Variants in ZZZ3 observed in about 807,000 individuals in gnomAD.
ZZZ3 encodes ZZ-type zinc finger-containing protein 3.
In ZZZ3, 22 loss-of-function variants were observed where a neutral mutation model predicts 95.2. The ratio of observed to expected loss-of-function variants is 0.23; its 90% CI spans 0.17 to 0.33. The LOEUF is 0.33. ZZZ3 is among the 10% of genes least tolerant of loss of function. The pLI is 1.00. For synonymous variants in ZZZ3, 335 were observed against 358.9 expected (o/e 0.93, Z 0.75); for missense variants, 885 against 1,066.5 (o/e 0.83, Z 2.37).
At chr1:77,631,717 G>A (rs1271080410) in intron 5 of ZZZ3, 133 bp downstream of exon 5, 2 of 694,560 alleles carry the variant, frequency 2.9e-6, no homozygotes, top group African/African-American at 3.6e-5. Context: ...TAAGAGTTGA[G>A]AAAATCATAT....
chr1:77,629,208 G>A (rs569189648), intron 5 of ZZZ3, among the ~76,000 whole-genome samples: 2 of 152,208 alleles, frequency 1.3e-5, no homozygotes, highest in Non-Finnish European at 2.9e-5. Flanking sequence ...GATCTGACAT[G>A]ATCAAACACC....
At chr1:77,671,599 T>C (rs1235916355) in intron 1 of ZZZ3, among the ~76,000 whole-genome samples, 1 of 152,180 alleles carries the variant, frequency 6.6e-6, no homozygotes, top group Non-Finnish European at 1.5e-5. Flanking sequence ...TGCTTTGATT[T>C]GCTTATTTAT....
intron 5 of ZZZ3, among the ~76,000 whole-genome samples, chr1:77,628,599 G>C (rs1667522378): frequency 6.6e-6 from 1 of 152,142 alleles, no homozygotes; most frequent in African/African-American, 2.4e-5. Context: ...ATTTACAAGT[G>C]ATCGGATGAC....
At position 77,611,715 on chromosome 1, in the gene ZZZ3, C is replaced by T. The variant is rs546512336; in HGVS notation, c.1505+20135G>A. 1.9e-4 allele frequency among the ~76,000 whole-genome samples: 29 copies of T among 151,866 alleles called. No individual in the cohort carries two copies. The South Asian group carries it at 4.4e-3, about 23-fold the overall frequency. Reference sequence around the variant, plus strand: ...GTCAATTGGTCTTTGACAAAGGTGGCGAAAACACACAATAAGGGACAGTCA... The same window carrying T: ...GTCAATTGGTCTTTGACAAAGGTGGTGAAAACACACAATAAGGGACAGTCA... On this transcript the variant is annotated intron_variant, in intron 5 of 14. Coordinates refer to ENST00000370801, the MANE Select transcript of ZZZ3 (RefSeq NM_015534.6).
At chr1:77,565,868 CCT>C (rs1297460871) in intron 14 of ZZZ3, 84 bp from the exon 15 acceptor site, 1 of 1,355,924 alleles carries the variant, frequency 7.4e-7, no homozygotes, top group African/African-American at 1.5e-5. Context: ...CACAGCTCTC[CCT>C]GTTTAAATCC....
At chr1:77,625,011 A>C (rs1444860890) in intron 5 of ZZZ3, among the ~76,000 whole-genome samples, 1 of 152,204 alleles carries the variant, frequency 6.6e-6, no homozygotes, top group Admixed American at 6.5e-5. Context: ...AAAACAGTTG[A>C]GGTTTCCTAT....
intron 5 of ZZZ3, among the ~76,000 whole-genome samples, chr1:77,623,449 A>G (rs1202046443): frequency 1.3e-5 from 2 of 152,220 alleles, no homozygotes; most frequent in Admixed American, 6.5e-5. Context: ...CAGTGTCCTC[A>G]TAAGGCTAGA....
At position 77,565,502 on chromosome 1, in the gene ZZZ3, C is replaced by T. The variant is rs1570376399; in HGVS notation, c.*138G>A. On this transcript the variant is annotated 3_prime_UTR_variant, in exon 15 of 15. Transcript: ENST00000370801. The stretch of plus-strand genomic sequence containing the variant: ...CACAACGGTGCAGAGCTGTACTTGA[C>T]GAGAACACTCAGGAAGCTCTCATGC... The T allele has an allele frequency of 9.3e-6, 8 of 863,238 alleles. No individual in the cohort carries two copies. The highest frequency in any genetic ancestry group is 7.9e-5 in the East Asian group (3 of 37,798). 53.5% of individuals were successfully genotyped at this position (863,238 alleles called of 1,614,324 possible). A position where few individuals can be genotyped will look rare whatever the true frequency, so the allele number is the denominator to read the frequency against.
chr1:77,593,051 G>A (rs979069537), intron 5 of ZZZ3, among the ~76,000 whole-genome samples: 1 of 152,194 alleles, frequency 6.6e-6, no homozygotes, highest in Non-Finnish European at 1.5e-5. Flanking sequence ...GCTTAAAACA[G>A]TAGAAGATCA....
intron 5 of ZZZ3, among the ~76,000 whole-genome samples, chr1:77,599,260 CTTATA>C (rs1425519726): frequency 6.6e-6 from 1 of 151,896 alleles, no homozygotes. Context: ...TATTTGCTAC[CTTATA>C]TTATTCATTA....
rs74090670 is a variant in ZZZ3 at position 77,592,065 on chromosome 1, A to G, written c.1506-7410T>C. On this transcript the variant is annotated intron_variant, in intron 5 of 14. Transcript: ENST00000370801. ...CTATCCCTCACTCCAGCCCCCAAGG[A>G]GAGTTGCCTTGGGACTGAGGAAAGA... Among the ~76,000 whole-genome samples, 525 of 152,136 alleles carry G rather than the reference A, an allele frequency of 3.5e-3. 3 individuals are homozygous for G. Among genetic ancestry groups the G allele is most frequent in the African/African-American group, 0.012 (500 of 41,486 alleles).
chr1:77,644,503 C>T (rs1005092232), intron 1 of ZZZ3, among the ~76,000 whole-genome samples: 1 of 152,140 alleles, frequency 6.6e-6, no homozygotes, highest in Non-Finnish European at 1.5e-5. Context: ...TGGATGCCTT[C>T]TATAGATTTT....
chr1:77,634,526 A>C (rs1005076192), intron 4 of ZZZ3, among the ~76,000 whole-genome samples: 1 of 152,186 alleles, frequency 6.6e-6, no homozygotes, highest in African/African-American at 2.4e-5. Context: ...GAGTGTTCCA[A>C]AGACCAGAAA....
At chr1:77,628,543 A>G (rs1170112553) in intron 5 of ZZZ3, among the ~76,000 whole-genome samples, 2 of 152,188 alleles carry the variant, frequency 1.3e-5, no homozygotes, top group Non-Finnish European at 2.9e-5. Flanking sequence ...CTAATTTACT[A>G]TAAATCACAT....
At chr1:77,675,641 GTTAC>G (rs1672192416) in intron 1 of ZZZ3, among the ~76,000 whole-genome samples, 1 of 150,992 alleles carries the variant, frequency 6.6e-6, no homozygotes, top group Non-Finnish European at 1.5e-5. Flanking sequence ...CACACTCAAA[GTTAC>G]TTAAATCTGG....
intron 5 of ZZZ3, among the ~76,000 whole-genome samples, chr1:77,607,876 T>C (rs913391913): frequency 3.0e-4 from 43 of 143,354 alleles, no homozygotes; most frequent in Admixed American, 4.4e-4. Context: ...GTTGAGATCA[T>C]GCCACTGCAC....
intron 5 of ZZZ3, among the ~76,000 whole-genome samples, chr1:77,619,971 G>A (rs922077352): frequency 2.0e-5 from 3 of 151,700 alleles, no homozygotes; most frequent in African/African-American, 7.3e-5. Flanking sequence ...TTTCACCACC[G>A]ATACATCAAC....
chr1:77,607,235 G>C (rs959537984), intron 5 of ZZZ3, among the ~76,000 whole-genome samples: 8 of 152,204 alleles, frequency 5.3e-5, no homozygotes, highest in African/African-American at 1.9e-4. Context: ...AAAAGGACTT[G>C]TGCAGGGGAA....
chr1:77,663,160 C>CT (rs1293289754), intron 1 of ZZZ3, among the ~76,000 whole-genome samples: 2 of 151,712 alleles, frequency 1.3e-5, no homozygotes, highest in Non-Finnish European at 2.9e-5. Flanking sequence ...TTAAAGGAGA[C>CT]TGGAGAGACA....
Sources: gnomAD v4.1 joint callset for allele counts (sites outside exome capture counted in the v4.1 genomes callset) on GRCh38, gnomAD v4.1.1 for gene constraint, MANE v1.5 for transcripts, NCBI Gene and HGNC (gene_info 2026-07-23, HGNC 2026-07-21) for gene names.